PTPRT: variants seen among roughly 807,000 people sequenced by gnomAD.
The protein encoded by PTPRT is receptor-type tyrosine-protein phosphatase T.
In PTPRT, 56 loss-of-function variants were observed where a neutral mutation model predicts 176.8. The ratio of observed to expected loss-of-function variants is 0.32; its 90% confidence interval spans 0.26 to 0.40. The LOEUF (loss-of-function observed/expected upper bound fraction) is 0.40. Among genes scored for constraint, PTPRT ranks in the 10% least tolerant of loss-of-function variants. The probability of loss-of-function intolerance (pLI) is 1.00; values close to 1 mark genes in which losing one functional copy is unlikely to be tolerated. For synonymous variants in PTPRT, 783 were observed against 739.0 expected (o/e 1.06, Z -0.96); for missense variants, 1,540 against 1,908.2 (o/e 0.81, Z 3.60).
intron 9 of PTPRT, among the ~76,000 whole-genome samples, chr20:42,444,908 T>G (rs2059349535): frequency 6.6e-6 from 1 of 152,240 alleles, no homozygotes; most frequent in Non-Finnish European, 1.5e-5. Flanking sequence ...GGGGCTGGAT[T>G]GGGTTGAGCC....
chr20:42,909,814 G>A (rs1568675085), intron 1 of PTPRT, among the ~76,000 whole-genome samples: 1 of 152,174 alleles, frequency 6.6e-6, no homozygotes, highest in African/African-American at 2.4e-5. Flanking sequence ...CAAGCATGTT[G>A]GATTTCACCT....
chr20:42,110,551 G>T, intron 22 of PTPRT, 64 bp from the exon 23 acceptor site: 1 of 1,519,222 alleles, frequency 6.6e-7, no homozygotes, highest in South Asian at 1.3e-5. Context: ...CCAGCAACAC[G>T]TGGAGCCATA....
intron 9 of PTPRT, among the ~76,000 whole-genome samples, chr20:42,354,658 G>A (rs2058333274): frequency 6.6e-6 from 1 of 152,190 alleles, no homozygotes; most frequent in East Asian, 1.9e-4. Context: ...CCATTCTTGA[G>A]AGAGGTAAGC....
intron 7 of PTPRT, among the ~76,000 whole-genome samples, chr20:42,560,889 C>T (rs2072941291): frequency 6.6e-6 from 1 of 152,166 alleles, no homozygotes; most frequent in Admixed American, 6.5e-5. Context: ...TCCTGGATTC[C>T]TCCTCAGTGG....
Position 42,281,025 on chromosome 20 carries a change from T to A in PTPRT, c.2176+1464A>T, listed in dbSNP as rs992121354. ...AAAGCCACCGAGGAGCCATAGAGCA[T>A]ACCATAGTGAAGGAGCTTTCTCTGT... On this transcript the variant is annotated intron_variant, in intron 13 of 30. Transcript: ENST00000373187. 2.0e-5 allele frequency among the ~76,000 whole-genome samples: 3 copies of A among 152,110 alleles called. No individual in the cohort carries two copies. The East Asian group carries it at 5.8e-4, about 29-fold the overall frequency.
chr20:42,159,318 C>G (rs764165767), intron 17 of PTPRT, among the ~76,000 whole-genome samples: 11 of 151,688 alleles, frequency 7.3e-5, no homozygotes, highest in Non-Finnish European at 1.5e-5. Flanking sequence ...GCCTTCCTCA[C>G]TTTCTTGCTA....
chr20:42,876,555 C>T (rs2078934953), intron 2 of PTPRT, among the ~76,000 whole-genome samples: 1 of 152,110 alleles, frequency 6.6e-6, no homozygotes, highest in Non-Finnish European at 1.5e-5. Flanking sequence ...GGACCTGGGA[C>T]CAAGTGGCCC....
chr20:42,306,047 T>G (rs1176513412), intron 12 of PTPRT, among the ~76,000 whole-genome samples: 3 of 152,214 alleles, frequency 2.0e-5, no homozygotes, highest in African/African-American at 7.2e-5. Context: ...TTATCAGCTG[T>G]CAACATTTGG....
chr20:43,167,294 AAATT>A (rs1222503653), intron 1 of PTPRT, among the ~76,000 whole-genome samples: 1 of 152,228 alleles, frequency 6.6e-6, no homozygotes, highest in Non-Finnish European at 1.5e-5. Flanking sequence ...GACACTTAAT[AAATT>A]AACCAAGGTA....
rs1333990348 is a variant in PTPRT at position 42,248,933 on chromosome 20, C to A, written c.2177-111G>T. The stretch of plus-strand genomic sequence containing the variant: ...AGTTGAGTGCTAACTATGTGCCAGG[C>A]ACTGTGCTAAGGGCATCACATACAT... On this transcript the variant is annotated intron_variant, in intron 13 of 30. Coordinates refer to ENST00000373187, the MANE Select transcript of PTPRT (RefSeq NM_007050.6). 1.5e-5 allele frequency: 20 copies of A among 1,332,482 alleles called. No homozygotes were observed. In the East Asian group the frequency reaches 4.7e-4, roughly 31 times the overall value. The allele number at this position is 1,332,482 out of a possible 1,614,324, so 82.5% of individuals were successfully genotyped here.
chr20:42,551,859 CTTGT>C, intron 7 of PTPRT, among the ~76,000 whole-genome samples: 1 of 152,238 alleles, frequency 6.6e-6, no homozygotes, highest in East Asian at 1.9e-4. Flanking sequence ...CCATTCCTTG[CTTGT>C]TTGTTTTCCC....
In PTPRT at chr20:42,523,602, T is replaced by C. The variant is rs531248258; in HGVS notation, c.1154-51040A>G. ...TGTCATTTTCCAGCCAATTGCATTTTCTTTTCTTTCAACAACTTAATCTGA... is the reference window on the plus strand; with the variant it reads ...TGTCATTTTCCAGCCAATTGCATTTCCTTTTCTTTCAACAACTTAATCTGA... On this transcript the variant is annotated intron_variant, in intron 7 of 30. Coordinates refer to ENST00000373187, the MANE Select transcript of PTPRT (RefSeq NM_007050.6). Among the ~76,000 whole-genome samples, 6 of 152,338 alleles carry C rather than the reference T, an allele frequency of 3.9e-5. No individual in the cohort carries two copies. The South Asian group carries it at 1.0e-3, about 26-fold the overall frequency.
chr20:42,896,300 C>G (rs968574723), intron 1 of PTPRT, among the ~76,000 whole-genome samples: 2 of 151,798 alleles, frequency 1.3e-5, no homozygotes, highest in African/African-American at 2.4e-5. Flanking sequence ...TTTGGAGCGC[C>G]CCTTGCAAGA....
At chr20:43,102,308 A>ACACACACG (rs972948925) in intron 1 of PTPRT, among the ~76,000 whole-genome samples, 9 of 151,670 alleles carry the variant, frequency 5.9e-5, no homozygotes, top group African/African-American at 1.9e-4. Flanking sequence ...ACACACACAC[A>ACACACACG]CACACACACA....
chr20:42,845,443 G>A (rs571444158), intron 2 of PTPRT, among the ~76,000 whole-genome samples: 56 of 152,260 alleles, frequency 3.7e-4, no homozygotes, highest in East Asian at 1.2e-3. Context: ...ATTGAAGGGC[G>A]TGCATGTGTT....
intron 20 of PTPRT, 125 bp downstream of exon 20, chr20:42,119,810 T>C (rs1987490418): frequency 1.2e-6 from 1 of 825,352 alleles, no homozygotes; most frequent in East Asian, 2.8e-5. Flanking sequence ...CAGGGCTGTT[T>C]AGTGAAAAAG....
At chr20:42,379,742 T>C (rs1439805750) in intron 9 of PTPRT, among the ~76,000 whole-genome samples, 2 of 152,256 alleles carry the variant, frequency 1.3e-5, no homozygotes, top group Non-Finnish European at 2.9e-5. Context: ...TTCTTGGGCA[T>C]GAATGGAAAA....
intron 6 of PTPRT, among the ~76,000 whole-genome samples, chr20:42,679,860 G>T (rs1320524815): frequency 2.6e-5 from 4 of 152,190 alleles, no homozygotes; most frequent in Middle Eastern, 3.4e-3. Flanking sequence ...ATGCTGCAAT[G>T]AACATCTTTG....
intron 22 of PTPRT, among the ~76,000 whole-genome samples, chr20:42,111,339 G>A (rs1986983146): frequency 6.6e-6 from 1 of 152,168 alleles, no homozygotes; most frequent in Non-Finnish European, 1.5e-5. Context: ...TTTACCAAGT[G>A]TGACCTGTGC....
Sources: allele counts gnomAD v4.1 joint callset (sites outside exome capture counted in the v4.1 genomes callset), GRCh38; gene constraint gnomAD v4.1.1; transcripts MANE v1.5; gene names NCBI Gene and HGNC (gene_info 2026-07-23, HGNC 2026-07-21).